Variants in AUTS2 observed in about 807,000 individuals in gnomAD.
AUTS2 encodes autism susceptibility gene 2 protein.
AUTS2 carries 17 observed loss-of-function variants against 112.4 expected under a neutral mutation model. The ratio of observed to expected loss-of-function variants is 0.15; its 90% CI spans 0.10 to 0.23. The LOEUF is 0.23. AUTS2 is among the 10% of genes least tolerant of loss of function. The probability of loss-of-function intolerance (pLI) is 1.00; values close to 1 mark genes in which losing one functional copy is unlikely to be tolerated. For synonymous variants in AUTS2, 751 were observed against 702.7 expected, an observed-to-expected ratio of 1.07 and a Z score of -1.09; for missense variants, 1,510 against 1,701.6, an observed-to-expected ratio of 0.89 and a Z score of 1.98.
chr7:69,930,222 C>A (rs1796175880), intron 2 of AUTS2, among the ~76,000 whole-genome samples: 1 of 152,110 alleles, frequency 6.6e-6, no homozygotes, highest in South Asian at 2.1e-4. Flanking sequence ...GTGTTTCTTT[C>A]CCCAGCCTTG....
chr7:70,313,513 GTTAATC>G (rs1050561433), intron 4 of AUTS2, among the ~76,000 whole-genome samples: 13 of 152,174 alleles, frequency 8.5e-5, no homozygotes, highest in African/African-American at 3.1e-4. Context: ...TCATTCAGTT[GTTAATC>G]TTAAACTTTT....
intron 5 of AUTS2, among the ~76,000 whole-genome samples, chr7:70,506,628 G>A (rs988003268): frequency 5.9e-5 from 9 of 152,252 alleles, no homozygotes; most frequent in East Asian, 1.9e-4. Context: ...CACGTGCTCC[G>A]CGCCCAGCGT....
intron 4 of AUTS2, among the ~76,000 whole-genome samples, chr7:70,361,187 G>A (rs1466544282): frequency 4.6e-5 from 7 of 152,128 alleles, no homozygotes; most frequent in Non-Finnish European, 8.8e-5. Context: ...CAAAAAATTA[G>A]CTGGGCGTGG....
intron 4 of AUTS2, among the ~76,000 whole-genome samples, chr7:70,256,030 T>A (rs1001866847): frequency 1.3e-5 from 2 of 152,138 alleles, no homozygotes; most frequent in Non-Finnish European, 2.9e-5. Flanking sequence ...CAGGGCTGCT[T>A]TGTTATGGTG....
intron 4 of AUTS2, among the ~76,000 whole-genome samples, chr7:70,431,530 C>T (rs1192698665): frequency 2.0e-5 from 3 of 152,104 alleles, no homozygotes; most frequent in Non-Finnish European, 4.4e-5. Context: ...GGATTACAGG[C>T]GCGTGCCACC....
At chr7:70,600,579 T>C (rs1803427406) in intron 5 of AUTS2, among the ~76,000 whole-genome samples, 1 of 152,194 alleles carries the variant, frequency 6.6e-6, no homozygotes, top group Admixed American at 6.5e-5. Flanking sequence ...CCCGGCCCAA[T>C]TCAGTAATTT....
chr7:69,815,682 T>A (rs572573300), intron 1 of AUTS2, among the ~76,000 whole-genome samples: 1 of 152,242 alleles, frequency 6.6e-6, no homozygotes, highest in Admixed American at 6.5e-5. Context: ...GCCCAGCTAA[T>A]TTTTGTATTT....
At chr7:69,603,870 A>T (rs1465320226) in intron 1 of AUTS2, among the ~76,000 whole-genome samples, 2 of 152,132 alleles carry the variant, frequency 1.3e-5, no homozygotes, top group African/African-American at 4.8e-5. Context: ...GATGTGTTAG[A>T]TAGTGTTGGC....
rs545123529 is a variant in AUTS2 at position 69,991,930 on chromosome 7, C to T, written c.522+92432C>T. ...TGTATCTGAGGGTAGAACATACCTCCTCTGTACTATACCTTTGAAGTTTTT... is the reference window on the plus strand; with the variant it reads ...TGTATCTGAGGGTAGAACATACCTCTTCTGTACTATACCTTTGAAGTTTTT... On this transcript the variant is annotated intron_variant, in intron 2 of 18. Coordinates refer to ENST00000342771, the MANE Select transcript of AUTS2 (RefSeq NM_015570.4). 2.0e-5 allele frequency among the ~76,000 whole-genome samples: 3 copies of T among 152,264 alleles called. No individual in the cohort carries two copies. The East Asian group carries it at 5.8e-4, about 29-fold the overall frequency.
At chr7:70,248,920 T>C (rs1421983377) in intron 4 of AUTS2, among the ~76,000 whole-genome samples, 3 of 152,238 alleles carry the variant, frequency 2.0e-5, no homozygotes, top group Non-Finnish European at 4.4e-5. Context: ...TATTTTCCCA[T>C]GTTCTACTCT....
At chr7:70,320,134 A>G (rs903250148) in intron 4 of AUTS2, among the ~76,000 whole-genome samples, 4 of 152,226 alleles carry the variant, frequency 2.6e-5, no homozygotes, top group Non-Finnish European at 4.4e-5. Context: ...ACTATAATAT[A>G]TGCAGTTAGT....
Position 70,391,019 on chromosome 7 carries a change from C to G in AUTS2, c.661-44733C>G, listed in dbSNP as rs148024085. Among the ~76,000 whole-genome samples the G allele has an allele frequency of 2.8e-4, 42 of 152,294 alleles. No individual in the cohort carries two copies. In the East Asian group the frequency reaches 7.9e-3, roughly 29 times the overall value. ...ATAACCTGTGAAGGAACTGAATGCC[C>G]TAGACAGTTTTCTCAGCCTTGTCTG... On this transcript the variant is annotated intron_variant, in intron 4 of 18. Coordinates refer to ENST00000342771, the MANE Select transcript of AUTS2 (RefSeq NM_015570.4).
chr7:70,433,402 C>T (rs544933786), intron 4 of AUTS2, among the ~76,000 whole-genome samples: 1 of 152,210 alleles, frequency 6.6e-6, no homozygotes, highest in African/African-American at 2.4e-5. Flanking sequence ...CTTCCACACC[C>T]CTCTTGAATT....
chr7:70,685,385 A>G (rs1325910753), intron 5 of AUTS2, among the ~76,000 whole-genome samples: 1 of 151,322 alleles, frequency 6.6e-6, no homozygotes, highest in East Asian at 1.9e-4. Flanking sequence ...AGGCAGGAGA[A>G]TAGCCTGAAC....
chr7:69,761,817 G>A (rs1025269607), intron 1 of AUTS2, among the ~76,000 whole-genome samples: 2 of 152,138 alleles, frequency 1.3e-5, no homozygotes, highest in African/African-American at 4.8e-5. Flanking sequence ...GGATTACTTC[G>A]ACTCTTGTCC....
At chr7:70,431,861 G>T (rs1380335840) in intron 4 of AUTS2, among the ~76,000 whole-genome samples, 2 of 152,218 alleles carry the variant, frequency 1.3e-5, no homozygotes, top group African/African-American at 2.4e-5. Context: ...ATGGCTGGAA[G>T]GACTCAGGTT....
intron 1 of AUTS2, among the ~76,000 whole-genome samples, chr7:69,888,562 T>TATAC (rs1449696716): frequency 1.4e-5 from 2 of 144,880 alleles, no homozygotes; most frequent in Non-Finnish European, 3.0e-5. Flanking sequence ...TATATATATA[T>TATAC]ATATATATAT....
At chr7:69,773,486 A>G (rs983047000) in intron 1 of AUTS2, among the ~76,000 whole-genome samples, 3 of 152,018 alleles carry the variant, frequency 2.0e-5, no homozygotes, top group Non-Finnish European at 2.9e-5. Context: ...AGCTTTAAGA[A>G]AAACCTTTTT....
At chr7:69,737,386 G>A (rs906655315) in intron 1 of AUTS2, among the ~76,000 whole-genome samples, 1 of 152,116 alleles carries the variant, frequency 6.6e-6, no homozygotes, top group African/African-American at 2.4e-5. Context: ...AAGAAATTGA[G>A]GCAAAGAGAG....
Sources: allele counts gnomAD v4.1 joint callset (sites outside exome capture counted in the v4.1 genomes callset), GRCh38; gene constraint gnomAD v4.1.1; transcripts MANE v1.5; gene names NCBI Gene and HGNC (gene_info 2026-07-23, HGNC 2026-07-21).